LY75: variants seen among roughly 807,000 people sequenced by gnomAD.
The protein encoded by LY75 is lymphocyte antigen 75.
LY75 carries 185 observed loss-of-function variants against 231.7 expected under a neutral mutation model. The observed-to-expected ratio is 0.80, with a 90% CI of 0.71 to 0.90. The LOEUF (loss-of-function observed/expected upper bound fraction) is 0.90. Ranked by LOEUF, LY75 falls within the 40% of genes least tolerant of loss-of-function variation. The pLI is 0.00. For synonymous variants in LY75, 668 were observed against 689.0 expected (o/e 0.97, Z 0.48); for missense variants, 1,947 against 2,050.2 (o/e 0.95, Z 0.97).
rs892755237 is a variant in LY75 at position 159,833,621 on chromosome 2, C to T, written c.3841+423G>A. ...GTGCTAATTAGAAATATTTATAACA[C>T]AGGAAATATTTTTTTAATTAGCAAA... On this transcript the variant is annotated intron_variant, in intron 27 of 34. Transcript: ENST00000263636. Among the ~76,000 whole-genome samples, 8 of 152,056 alleles carry T rather than the reference C, an allele frequency of 5.3e-5. No homozygotes were observed. In the South Asian group the frequency reaches 1.4e-3, roughly 28 times the overall value.
intron 3 of LY75, 120 bp from the exon 4 acceptor site, chr2:159,890,497 T>C: frequency 7.4e-7 from 1 of 1,352,674 alleles, no homozygotes. Context: ...AAAGGGAGAC[T>C]GCCATCACTC....
Position 159,850,041 on chromosome 2 carries a change from T to C in LY75, c.3089A>G (p.Glu1030Gly), listed in dbSNP as rs1374546419. 1 of 1,613,982 alleles carries C rather than the reference T, an allele frequency of 6.2e-7. No homozygotes were observed. Among genetic ancestry groups the C allele is most frequent in the Non-Finnish European group, 8.5e-7 (1 of 1,179,912 alleles). ...TGGGTGAAAGTTACTGTACGTCAGC[T>C]CTCTGTTATCTGTCCATTTGTTTAT... is the stretch of plus-strand genomic sequence containing the variant. The part of the protein sequence containing the change: ...EKINKWTDNR[E>G]LTYSNFHPLL... The change falls in exon 23 of 35, where the codon GAG becomes GGG. Residue 1030 changes from glutamate (E) to glycine (G), a missense_variant. Physicochemically the swap from Glu to Gly is moderately conservative, Grantham distance 98. Transcript: ENST00000263636.
intron 13 of LY75, 43 bp downstream of exon 13, chr2:159,872,408 G>C (rs781283857): frequency 1.2e-6 from 2 of 1,603,734 alleles, no homozygotes; most frequent in East Asian, 2.2e-5. Context: ...ATATCTAGAG[G>C]ACATCAAATT....
intron 4 of LY75, 28 bp downstream of exon 4, chr2:159,890,185 T>C: frequency 6.3e-7 from 1 of 1,587,404 alleles, no homozygotes; most frequent in African/African-American, 1.4e-5. Context: ...TTAGCCAATT[T>C]GCTCTATCAC....
intron 28 of LY75, among the ~76,000 whole-genome samples, chr2:159,824,529 A>G (rs1409363730): frequency 4.6e-5 from 7 of 152,292 alleles, no homozygotes; most frequent in Admixed American, 1.3e-4. Flanking sequence ...GGAGACTTTA[A>G]CACCCCACTG....
intron 23 of LY75, among the ~76,000 whole-genome samples, chr2:159,842,581 A>T (rs2125848185): frequency 6.6e-6 from 1 of 152,312 alleles, no homozygotes; most frequent in Middle Eastern, 3.4e-3. Flanking sequence ...AATAGTGGCA[A>T]TCTTGATAAA....
Position 159,854,888 on chromosome 2 carries a change from A to G in LY75, c.2419+16T>C. On this transcript the variant is annotated intron_variant, in intron 17 of 34. Transcript: ENST00000263636. ...GTAAAAGCAGCTTTGGTTAAATTTC[A>G]GTTTTCTTAACTCACCTGGATTGTA... The G allele has an allele frequency of 1.2e-6, 2 of 1,613,462 alleles. No homozygotes were observed. The highest frequency in any genetic ancestry group is 1.7e-6 in the Non-Finnish European group (2 of 1,179,682).
chr2:159,874,299 A>C (rs1685134807), intron 12 of LY75, among the ~76,000 whole-genome samples: 1 of 131,838 alleles, frequency 7.6e-6, no homozygotes, highest in African/African-American at 2.9e-5. Context: ...TATGTTTTGT[A>C]AATATATAAA....
intron 9 of LY75, 69 bp downstream of exon 9, chr2:159,879,190 C>T: frequency 6.5e-7 from 1 of 1,532,228 alleles, no homozygotes. Flanking sequence ...TTATTTAAGT[C>T]TCAGCTACCA....
intron 11 of LY75, 59 bp downstream of exon 11, chr2:159,878,265 A>G: frequency 6.4e-7 from 1 of 1,558,702 alleles, no homozygotes. Context: ...CATCTTTGGG[A>G]GGAGTGCTGC....
intron 9 of LY75, 89 bp downstream of exon 9, chr2:159,879,170 T>C (rs1483527944): frequency 2.1e-6 from 3 of 1,413,594 alleles, no homozygotes; most frequent in African/African-American, 1.4e-5. Context: ...CTCTATTTTA[T>C]AAGTCTGAGT....
At chr2:159,864,733 G>T in intron 14 of LY75, 106 bp downstream of exon 14, 1 of 1,122,604 alleles carries the variant, frequency 8.9e-7, no homozygotes, top group Non-Finnish European at 1.2e-6. Context: ...AGGGTCTTTT[G>T]TGGTTCCATA....
chr2:159,847,006 CTCTTT>C (rs1358269941), intron 23 of LY75, among the ~76,000 whole-genome samples: 2 of 152,092 alleles, frequency 1.3e-5, no homozygotes, highest in African/African-American at 4.8e-5. Context: ...TATTTTCTCT[CTCTTT>C]TATTTTATAT....
chr2:159,844,556 C>T (rs1385036447), intron 23 of LY75, among the ~76,000 whole-genome samples: 1 of 151,952 alleles, frequency 6.6e-6, no homozygotes, highest in East Asian at 1.9e-4. Context: ...GAAATTCTAG[C>T]ATATGTGGTG....
chr2:159,877,023 A>AG (rs1248382444), intron 11 of LY75, among the ~76,000 whole-genome samples: 4 of 149,104 alleles, frequency 2.7e-5, no homozygotes, highest in Admixed American at 1.3e-4. Context: ...AAAAAAAAAA[A>AG]AAAAAAAAAA....
chr2:159,811,773 C>T (rs1428083522), intron 31 of LY75, among the ~76,000 whole-genome samples: 7 of 152,138 alleles, frequency 4.6e-5, no homozygotes, highest in African/African-American at 9.7e-5. Context: ...TTTTGAACTT[C>T]GGTTATTTGA....
At chr2:159,904,492 C>T in intron 1 of LY75, 97 bp downstream of exon 1, 2 of 1,320,134 alleles carry the variant, frequency 1.5e-6, no homozygotes, top group South Asian at 3.1e-5. Flanking sequence ...CAGCCGTGAC[C>T]TGCCCCAGGG....
In LY75 at chr2:159,819,987, TAA is replaced by T. The variant is rs1039016482; in HGVS notation, c.3959-69_3959-68del. 5.9e-5 allele frequency: 85 copies of T among 1,429,284 alleles called. No homozygotes were observed. The African/African-American group carries it at 1.2e-3, about 20-fold the overall frequency. 88.5% of individuals were successfully genotyped at this position (1,429,284 alleles called of 1,614,324 possible). A position where few individuals can be genotyped will look rare whatever the true frequency, so the allele number is the denominator to read the frequency against. On this transcript the variant is annotated intron_variant, in intron 28 of 34. Transcript: ENST00000263636. ...AAGACTTGAATTACACTTATACAGTTAAGATTTCAAACTTGACTAATTTTCTC... is the reference window on the plus strand; with the variant it reads ...AAGACTTGAATTACACTTATACAGTTGATTTCAAACTTGACTAATTTTCTC...
chr2:159,878,087 G>T (rs1290491632), intron 11 of LY75, among the ~76,000 whole-genome samples: 1 of 152,168 alleles, frequency 6.6e-6, no homozygotes, highest in African/African-American at 2.4e-5. Flanking sequence ...CTAGCTCTGA[G>T]CCATTAGATG....
Sources: gnomAD v4.1 joint callset for allele counts (sites outside exome capture counted in the v4.1 genomes callset) on GRCh38, gnomAD v4.1.1 for gene constraint, MANE v1.5 for transcripts, NCBI Gene and HGNC (gene_info 2026-07-23, HGNC 2026-07-21) for gene names.